PCSK5: variants seen among roughly 807,000 people sequenced by gnomAD.
PCSK5 encodes prohormone convertase 5.
PCSK5 carries 129 observed loss-of-function variants against 233.2 expected under a neutral mutation model. The ratio of observed to expected loss-of-function variants is 0.55; its 90% CI spans 0.48 to 0.64. PCSK5 has a LOEUF of 0.64. Among genes scored for constraint, PCSK5 ranks in the 30% least tolerant of loss-of-function variants. The pLI, the probability that PCSK5 is intolerant of heterozygous loss-of-function variation, is 0.00. For missense variants in PCSK5, 2,076 were observed against 2,430.1 expected (o/e 0.85, Z 3.06); for synonymous variants, 825 against 879.2 (o/e 0.94, Z 1.09).
intron 10 of PCSK5, among the ~76,000 whole-genome samples, chr9:76,146,091 G>A (rs954314504): frequency 3.3e-5 from 5 of 151,616 alleles, no homozygotes; most frequent in African/African-American, 1.2e-4. Flanking sequence ...CATCTTGCTA[G>A]CCTTTGGCAT....
Position 76,095,876 on chromosome 9 carries a change from C to G in PCSK5, c.895-14C>G, listed in dbSNP as rs1282941511. ...ATTTCACACCATCATTTAGCTTTCT[C>G]TGTTTGTGAACAGGGGCGGAGAGGC... On this transcript the variant is annotated splice_polypyrimidine_tract_variant and intron_variant, in intron 7 of 37. Coordinates refer to ENST00000674117, the MANE Select transcript of PCSK5 (RefSeq NM_001372043.1). 2 of 1,612,118 alleles carry G rather than the reference C, an allele frequency of 1.2e-6. No individual in the cohort carries two copies. Among genetic ancestry groups the G allele is most frequent in the Non-Finnish European group, 1.7e-6 (2 of 1,178,180 alleles).
intron 24 of PCSK5, among the ~76,000 whole-genome samples, chr9:76,251,185 T>G (rs543158185): frequency 6.6e-6 from 1 of 152,226 alleles, no homozygotes; most frequent in South Asian, 2.1e-4. Flanking sequence ...GAGGAAGACT[T>G]AAGCCCAGGA....
At chr9:76,281,823 A>G in intron 24 of PCSK5, among the ~76,000 whole-genome samples, 1 of 151,664 alleles carries the variant, frequency 6.6e-6, no homozygotes, top group Non-Finnish European at 1.5e-5. Flanking sequence ...TAATTTTCAT[A>G]TTTTTTATAG....
chr9:76,234,083 C>T (rs770295480), intron 22 of PCSK5, among the ~76,000 whole-genome samples: 5 of 152,118 alleles, frequency 3.3e-5, no homozygotes, highest in Non-Finnish European at 7.4e-5. Flanking sequence ...TTCCTGCTGT[C>T]ATTGGATTCT....
intron 24 of PCSK5, among the ~76,000 whole-genome samples, chr9:76,262,211 T>A (rs530042372): frequency 4.6e-5 from 7 of 152,188 alleles, no homozygotes; most frequent in African/African-American, 1.7e-4. Flanking sequence ...CCAAGGTAAT[T>A]TATAGATTCA....
At chr9:76,274,487 C>A (rs1347826238) in intron 24 of PCSK5, among the ~76,000 whole-genome samples, 1 of 151,556 alleles carries the variant, frequency 6.6e-6, no homozygotes, top group Non-Finnish European at 1.5e-5. Context: ...TAAACTGTGA[C>A]CATTTTCCTT....
chr9:75,979,663 C>T (rs185004066), intron 2 of PCSK5, among the ~76,000 whole-genome samples: 36 of 152,300 alleles, frequency 2.4e-4, no homozygotes, highest in African/African-American at 6.3e-4. Context: ...TTGTTCTAGA[C>T]GGCTTTTGCA....
At chr9:76,205,210 C>T in intron 20 of PCSK5, 1 of 518,998 alleles carries the variant, frequency 1.9e-6, no homozygotes, top group Non-Finnish European at 3.8e-6. Flanking sequence ...CCCTCACTGT[C>T]CCTTTCCGTA....
chr9:76,195,375 A>AAAT (rs1824643276), intron 20 of PCSK5: 1 of 152,180 alleles, frequency 6.6e-6, no homozygotes, highest in African/African-American at 2.4e-5. Context: ...GGAAAGATAA[A>AAAT]AATGATGTCT....
chr9:76,148,552 C>A (rs1418643504), intron 10 of PCSK5, among the ~76,000 whole-genome samples: 1 of 152,092 alleles, frequency 6.6e-6, no homozygotes, highest in Non-Finnish European at 1.5e-5. Flanking sequence ...TCATTTACAG[C>A]TAAGAACTTC....
At chr9:76,187,958 G>A (rs1824185279) in intron 17 of PCSK5, among the ~76,000 whole-genome samples, 1 of 152,166 alleles carries the variant, frequency 6.6e-6, no homozygotes, top group African/African-American at 2.4e-5. Context: ...TTTCATTAGA[G>A]TGTTTAAAAT....
chr9:75,903,588 A>AT (rs201082275), intron 1 of PCSK5, among the ~76,000 whole-genome samples: 18,493 of 114,530 alleles, frequency 0.16, 1,640 homozygotes, highest in Middle Eastern at 0.2. Flanking sequence ...ATATATATAT[A>AT]AAATATATAT....
At chr9:76,339,191 A>T (rs1829761946) in intron 35 of PCSK5, among the ~76,000 whole-genome samples, 1 of 152,054 alleles carries the variant, frequency 6.6e-6, no homozygotes, top group Non-Finnish European at 1.5e-5. Context: ...TCTTGCCATA[A>T]ATATATGAGC....
intron 33 of PCSK5, among the ~76,000 whole-genome samples, 196 bp from the exon 34 acceptor site, chr9:76,332,237 T>C (rs1829556928): frequency 6.6e-6 from 1 of 152,200 alleles, no homozygotes; most frequent in Non-Finnish European, 1.5e-5. Flanking sequence ...GTTTTCCTTG[T>C]ATTCCTCATG....
At chr9:75,891,531 GCACACACACACACACA>G (rs34768107) in intron 1 of PCSK5, among the ~76,000 whole-genome samples, 158 bp downstream of exon 1, 10 of 148,794 alleles carry the variant, frequency 6.7e-5, no homozygotes, top group South Asian at 6.5e-4. Context: ...GCGCGCGTAC[GCACACACACACACACA>G]CACACACACA....
At chr9:76,208,966 T>C (rs533785863) in intron 20 of PCSK5, among the ~76,000 whole-genome samples, 1 of 152,334 alleles carries the variant, frequency 6.6e-6, no homozygotes, top group African/African-American at 2.4e-5. Context: ...ATTCTCTCCA[T>C]GAACTTCAAT....
chr9:76,261,854 T>G (rs1827183678), intron 24 of PCSK5, among the ~76,000 whole-genome samples: 1 of 152,242 alleles, frequency 6.6e-6, no homozygotes, highest in South Asian at 2.1e-4. Flanking sequence ...CACACAGATT[T>G]TGTATCCTGA....
intron 24 of PCSK5, among the ~76,000 whole-genome samples, chr9:76,284,298 G>T (rs1305000970): frequency 6.6e-6 from 1 of 152,088 alleles, no homozygotes; most frequent in Non-Finnish European, 1.5e-5. Context: ...TCAAGGGAGG[G>T]ACCCGGTGGG....
intron 1 of PCSK5, among the ~76,000 whole-genome samples, chr9:75,900,921 C>G (rs1587332028): frequency 6.6e-6 from 1 of 151,970 alleles, no homozygotes; most frequent in South Asian, 2.1e-4. Context: ...ATCCCCAGCA[C>G]CTAGAACAGT....
Sources: allele counts gnomAD v4.1 joint callset (sites outside exome capture counted in the v4.1 genomes callset), GRCh38; gene constraint gnomAD v4.1.1; transcripts MANE v1.5; gene names NCBI Gene and HGNC (gene_info 2026-07-23, HGNC 2026-07-21).